The following ZNF541 variants were observed in gnomAD, a reference collection of about 807,000 sequenced individuals.
ZNF541 encodes the protein zinc finger protein 541.
Under a neutral mutation model 123.5 loss-of-function variants are expected in ZNF541, and 23 were observed. That is an observed-to-expected ratio of 0.19 (90% confidence interval 0.13 to 0.26). The LOEUF (loss-of-function observed/expected upper bound fraction) is 0.26, where lower values mean the gene tolerates loss of function less well. Among genes scored for constraint, ZNF541 ranks in the 10% least tolerant of loss-of-function variants. ZNF541 has a pLI of 1.00. For missense variants in ZNF541, 1,612 were observed against 1,789.9 expected, an observed-to-expected ratio of 0.90 and a Z score of 1.79; for synonymous variants, 751 against 754.5, an observed-to-expected ratio of 1.00 and a Z score of 0.08.
At chr19:47,571,783 T>C (rs1971486586) in intron 2 of ZNF541, among the ~76,000 whole-genome samples, 113 bp downstream of exon 2, 1 of 152,224 alleles carries the variant, frequency 6.6e-6, no homozygotes, top group African/African-American at 2.4e-5. Flanking sequence ...CAGTAACTTG[T>C]ATGATTACCA....
chr19:47,521,469 A>G lies in ZNF541; in HGVS notation c.3887+10T>C, dbSNP rs1969024012. On this transcript the variant is annotated intron_variant, in intron 16 of 16. Coordinates refer to ENST00000391901, the MANE Select transcript of ZNF541 (RefSeq NM_001277075.3). The surrounding 1 kb of genome is among the most constrained non-coding windows in gnomAD (Gnocchi z 4.2). The stretch of plus-strand genomic sequence containing the variant: ...AGCCCTGGGAGTGTTTCCAGGAGAA[A>G]GCTGGGTACCTTTCACACTCTCTGC... 6.4e-7 allele frequency: 1 copy of G among 1,550,732 alleles called. No homozygotes were observed. The highest frequency in any genetic ancestry group is 2.0e-5 in the Admixed American group (1 of 50,936).
rs528863706 is a variant in ZNF541 at position 47,555,634 on chromosome 19, A to G, written c.223T>C (p.Leu75=). The G allele has an allele frequency of 7.0e-5, 109 of 1,551,668 alleles. No individual in the cohort carries two copies. Among genetic ancestry groups the G allele is most frequent in the Non-Finnish European group, 9.3e-5 (107 of 1,146,992 alleles). The part of the protein sequence containing the change: ...SEVLEDNLDT[L]SLYSGKDSDS... ...CTGTCCTTCCCGGAGTACAGGGACA[A>G]GGTGTCTAAGTTGTCCTCCAGCACC... The change falls in exon 3 of 17, where the codon TTG becomes CTG. Residue 75 remains leucine, a synonymous_variant. Transcript: ENST00000391901.
chr19:47,535,040 C>T (rs757668421), intron 9 of ZNF541, among the ~76,000 whole-genome samples: 25 of 151,844 alleles, frequency 1.6e-4, no homozygotes, highest in African/African-American at 3.9e-4. Context: ...CTGCAACCTC[C>T]GCCTCCTGGG....
At chr19:47,562,649 C>CA (rs912935880) in intron 2 of ZNF541, among the ~76,000 whole-genome samples, 3 of 152,082 alleles carry the variant, frequency 2.0e-5, no homozygotes, top group African/African-American at 7.2e-5. Context: ...AGTTTTTCAG[C>CA]AAAAAATTAT....
In ZNF541 at chr19:47,560,100, C is replaced by A. The variant is rs375063360; in HGVS notation, c.-98-4146G>T. The stretch of plus-strand genomic sequence containing the variant: ...TGCAAAGATCTTGCCTTTTTTTGTA[C>A]CTAACTGGCAGCTCTCTGGGGTGCA... On this transcript the variant is annotated intron_variant, in intron 2 of 16. Transcript: ENST00000391901. 4.6e-5 allele frequency among the ~76,000 whole-genome samples: 7 copies of A among 151,962 alleles called. No homozygotes were observed. The East Asian group carries it at 7.7e-4, about 17-fold the overall frequency.
At chr19:47,557,086 G>A (rs539641457) in intron 2 of ZNF541, among the ~76,000 whole-genome samples, 1 of 152,004 alleles carries the variant, frequency 6.6e-6, no homozygotes, top group South Asian at 2.1e-4. Context: ...CATATAATGG[G>A]CTAAATGCAA....
chr19:47,535,783 C>G (rs1216564902), intron 9 of ZNF541, among the ~76,000 whole-genome samples: 2 of 150,914 alleles, frequency 1.3e-5, no homozygotes, highest in African/African-American at 4.9e-5. Context: ...AGTGAAATGG[C>G]ATGGTCTCGG....
chr19:47,555,805 G>A lies in ZNF541; in HGVS notation c.52C>T (p.Leu18Phe). The A allele has an allele frequency of 3.2e-6, 5 of 1,551,628 alleles. No individual in the cohort carries two copies. The highest frequency in any genetic ancestry group is 4.4e-6 in the Non-Finnish European group (5 of 1,146,976). ...CCTTGGCTCTCTGAAAATGAAGGGA[G>A]GTGCATTTCTGATGGGAGGGCACCC... is the stretch of plus-strand genomic sequence containing the variant. ...DEGALPSEMH[L>F]PSFSESQGLN... The change falls in exon 3 of 17, where the codon CTC becomes TTC. Residue 18 changes from leucine (L) to phenylalanine (F), a missense_variant. Leu to Phe is a conservative substitution (Grantham distance 22). Transcript: ENST00000391901.
intron 3 of ZNF541, among the ~76,000 whole-genome samples, chr19:47,549,937 C>T (rs1970524501): frequency 6.6e-6 from 1 of 152,098 alleles, no homozygotes; most frequent in Non-Finnish European, 1.5e-5. Context: ...TACTGCTTTT[C>T]CTGGTGAAAT....
chr19:47,570,576 TAAAAAAAAA>T (rs35955168), intron 2 of ZNF541, among the ~76,000 whole-genome samples: 3 of 58,842 alleles, frequency 5.1e-5, no homozygotes, highest in Non-Finnish European at 9.4e-5. Flanking sequence ...GACTCTGTCC[TAAAAAAAAA>T]AAAAAAAAAA....
chr19:47,535,899 G>A (rs1969796716), intron 9 of ZNF541, among the ~76,000 whole-genome samples: 1 of 152,166 alleles, frequency 6.6e-6, no homozygotes, highest in Non-Finnish European at 1.5e-5. Context: ...AGTGGAGTGG[G>A]AAATCAGGGG....
chr19:47,525,838 C>G (rs961533419), intron 14 of ZNF541, among the ~76,000 whole-genome samples: 3 of 149,676 alleles, frequency 2.0e-5, no homozygotes, highest in Non-Finnish European at 4.4e-5. Flanking sequence ...ATGGCATGAA[C>G]CTGGAAGGCG....
At position 47,562,065 on chromosome 19, in the gene ZNF541, A is replaced by G. The variant is rs28771231; in HGVS notation, c.-98-6111T>C. Among the ~76,000 whole-genome samples the G allele has an allele frequency of 7.8e-3, 1,184 of 152,258 alleles. 12 individuals are homozygous for G. Among genetic ancestry groups the G allele is most frequent in the African/African-American group, 0.027 (1,111 of 41,536 alleles). On this transcript the variant is annotated intron_variant, in intron 2 of 16. Coordinates refer to ENST00000391901, the MANE Select transcript of ZNF541 (RefSeq NM_001277075.3). ...GGAGTTCAAGACTGGCCTGGCCAACATGGCGAACCCCCGTCCCTACTAAAA... is the reference window on the plus strand; with the variant it reads ...GGAGTTCAAGACTGGCCTGGCCAACGTGGCGAACCCCCGTCCCTACTAAAA...
At position 47,558,325 on chromosome 19, in the gene ZNF541, A is replaced by G. The variant is rs188416785; in HGVS notation, c.-98-2371T>C. 3.3e-3 allele frequency among the ~76,000 whole-genome samples: 502 copies of G among 152,050 alleles called. 1 individual carries two copies. Among genetic ancestry groups the G allele is most frequent in the Admixed American group, 5.6e-3 (85 of 15,240 alleles). On this transcript the variant is annotated intron_variant, in intron 2 of 16. Transcript: ENST00000391901. ...CAGCTACTCGGGAGGCTGAGGCAGG[A>G]GAATGGTATGAACCCAGGAGGCGGA...
chr19:47,566,266 G>A (rs183374625), intron 2 of ZNF541, among the ~76,000 whole-genome samples: 13 of 152,190 alleles, frequency 8.5e-5, no homozygotes, highest in Non-Finnish European at 1.3e-4. Context: ...GAAATGCTAC[G>A]ACCTTTTGGG....
intron 7 of ZNF541, 149 bp from the exon 8 acceptor site, chr19:47,540,027 G>C: frequency 1.4e-6 from 2 of 1,418,042 alleles, no homozygotes; most frequent in Non-Finnish European, 1.9e-6. Flanking sequence ...CATGGCAATG[G>C]CCTGCCCCTG....
At chr19:47,557,793 C>T (rs1319492119) in intron 2 of ZNF541, among the ~76,000 whole-genome samples, 2 of 151,286 alleles carry the variant, frequency 1.3e-5, no homozygotes, top group Admixed American at 1.3e-4. Context: ...CACACAAGGC[C>T]TAAGAATCTA....
rs549210823 is a variant in ZNF541, at chr19:47,549,288, C to T, written c.505G>A (p.Val169Ile). ...AAGGCCTTGCTGCAGATTTTGCAGA[C>T]GTGCTTCCTTTCCTGGCTGTGTGTC... ...YLTHSQERKH[V>I]CKICSKAFKR... Residue 169 changes from valine (V) to isoleucine (I), a missense_variant, in exon 4 of 17, where the codon GTC becomes ATC. Around this residue, in one of 5 missense-constraint regions of ZNF541, gnomAD observed 212 missense variants for 289.6 expected, o/e 0.73. Transcript: ENST00000391901. The T allele has an allele frequency of 8.3e-5, 129 of 1,551,950 alleles. No homozygotes were observed. The highest frequency in any genetic ancestry group is 9.6e-5 in the Non-Finnish European group (110 of 1,147,072).
At chr19:47,551,167 G>A (rs1183254439) in intron 3 of ZNF541, among the ~76,000 whole-genome samples, 2 of 151,040 alleles carry the variant, frequency 1.3e-5, no homozygotes, top group Non-Finnish European at 2.9e-5. Context: ...AGCCTCTGCA[G>A]TAGCTGGGAC....
Sources: gnomAD v4.1 joint callset for allele counts (sites outside exome capture counted in the v4.1 genomes callset) on GRCh38, gnomAD v4.1.1 for gene constraint, gnomAD v4.1.1 regional missense constraint, Gnocchi (gnomAD v3.1) non-coding constraint, MANE v1.5 for transcripts, NCBI Gene and HGNC (gene_info 2026-07-23, HGNC 2026-07-21) for gene names.